ATE1: variants seen among roughly 807,000 people sequenced by gnomAD.
The protein encoded by ATE1 is arginyl-tRNA--protein transferase 1.
ATE1 carries 36 observed loss-of-function variants against 70.5 expected under a neutral mutation model. The observed-to-expected ratio is 0.51, with a 90% confidence interval of 0.39 to 0.67. The LOEUF (loss-of-function observed/expected upper bound fraction) is 0.67, where lower values mean the gene tolerates loss of function less well. Ranked by LOEUF, ATE1 falls within the 30% of genes least tolerant of loss-of-function variation. ATE1 has a pLI of 0.00. For synonymous variants in ATE1, 232 were observed against 219.3 expected (o/e 1.06, Z -0.51); for missense variants, 593 against 629.5 (o/e 0.94, Z 0.62).
chr10:121,920,262 G>A (rs965343417), intron 3 of ATE1, among the ~76,000 whole-genome samples: 2 of 151,912 alleles, frequency 1.3e-5, no homozygotes, highest in Non-Finnish European at 2.9e-5. Flanking sequence ...GAGGCAGGAG[G>A]CTCCTTTGAG....
intron 7 of ATE1, among the ~76,000 whole-genome samples, chr10:121,880,149 T>C (rs1950182214): frequency 6.6e-6 from 1 of 152,184 alleles, no homozygotes; most frequent in South Asian, 2.1e-4. Context: ...TTGATTATTA[T>C]TAAGAATAAA....
chr10:121,799,786 A>G (rs1438864734), intron 10 of ATE1, among the ~76,000 whole-genome samples: 1 of 152,214 alleles, frequency 6.6e-6, no homozygotes, highest in African/African-American at 2.4e-5. Flanking sequence ...TTTAAATTAC[A>G]TTATGGTTTC....
intron 3 of ATE1, among the ~76,000 whole-genome samples, chr10:121,918,586 C>T (rs904602403): frequency 9.9e-5 from 15 of 152,164 alleles, no homozygotes; most frequent in African/African-American, 2.7e-4. Flanking sequence ...CAACTTCAAA[C>T]TTATGAATAG....
intron 1 of ATE1, among the ~76,000 whole-genome samples, chr10:121,926,541 T>C (rs1365956332): frequency 6.6e-6 from 1 of 152,204 alleles, no homozygotes; most frequent in Non-Finnish European, 1.5e-5. Flanking sequence ...CGACAAAACG[T>C]GAAATACAAG....
intron 8 of ATE1, among the ~76,000 whole-genome samples, chr10:121,843,408 C>CA (rs1376876755): frequency 6.6e-6 from 1 of 152,134 alleles, no homozygotes. Flanking sequence ...AAAATCTCAG[C>CA]AAGCTATTTT....
intron 4 of ATE1, 34 bp downstream of exon 4, chr10:121,913,756 A>T: frequency 6.9e-7 from 1 of 1,448,480 alleles, no homozygotes; most frequent in Non-Finnish European, 9.7e-7. Context: ...GCAAAGACAG[A>T]TAGTAAATCG....
intron 7 of ATE1, among the ~76,000 whole-genome samples, chr10:121,874,271 C>A (rs1949957153): frequency 6.6e-6 from 1 of 152,156 alleles, no homozygotes. Context: ...CAATTTCTGG[C>A]ACATATTTAC....
chr10:121,791,383 C>T (rs1291661303), intron 10 of ATE1, among the ~76,000 whole-genome samples: 3 of 151,882 alleles, frequency 2.0e-5, no homozygotes, highest in African/African-American at 4.8e-5. Context: ...CATGAGCCAC[C>T]GTGCCTGGCC....
At chr10:121,832,406 CAG>C (rs796774843) in intron 10 of ATE1, among the ~76,000 whole-genome samples, 33 of 152,320 alleles carry the variant, frequency 2.2e-4, no homozygotes, top group African/African-American at 6.7e-4. Context: ...TATCCCCTAA[CAG>C]AGCTCAGCGT....
In ATE1 at chr10:121,757,334, C is replaced by T. The variant is rs147280040; in HGVS notation, c.1379-13476G>A. Among the ~76,000 whole-genome samples the T allele has an allele frequency of 0.019, 2,924 of 152,288 alleles. 160 individuals carry two copies. The East Asian group carries it at 0.22, about 12-fold the overall frequency. ...CTCTAGGAAGTTCCAAACTTTCCCA[C>T]ATTTTCCTGTCTTCTTCTGAGCCCT... On this transcript the variant is annotated intron_variant, in intron 11 of 11. Transcript: ENST00000224652.
chr10:121,869,973 A>C, intron 8 of ATE1, 33 bp downstream of exon 8: 1 of 1,568,584 alleles, frequency 6.4e-7, no homozygotes, highest in East Asian at 2.2e-5. Context: ...TCAATTACCA[A>C]TTCTAATATT....
At chr10:121,758,655 T>A (rs979098293) in intron 11 of ATE1, among the ~76,000 whole-genome samples, 4 of 152,212 alleles carry the variant, frequency 2.6e-5, no homozygotes, top group Admixed American at 2.0e-4. Context: ...TTTGTTTGTT[T>A]GTTTTTACAA....
At chr10:121,812,471 C>T (rs891461782) in intron 10 of ATE1, among the ~76,000 whole-genome samples, 22 of 152,168 alleles carry the variant, frequency 1.4e-4, no homozygotes, top group Admixed American at 9.2e-4. Flanking sequence ...CCAAGACCCC[C>T]TTTAAGTCCT....
At chr10:121,809,672 A>G (rs1196569367) in intron 10 of ATE1, among the ~76,000 whole-genome samples, 1 of 152,094 alleles carries the variant, frequency 6.6e-6, no homozygotes, top group Non-Finnish European at 1.5e-5. Flanking sequence ...CAAATAACAC[A>G]GTATTATTAA....
At chr10:121,876,368 C>A (rs11200206) in intron 7 of ATE1, among the ~76,000 whole-genome samples, 46,405 of 151,962 alleles carry the variant, frequency 0.31, 7,395 homozygotes, top group South Asian at 0.43. Flanking sequence ...ATTTTTTGCA[C>A]CTTTCTCCCT....
At chr10:121,851,330 G>A (rs181079858) in intron 8 of ATE1, among the ~76,000 whole-genome samples, 7 of 152,220 alleles carry the variant, frequency 4.6e-5, no homozygotes, top group African/African-American at 1.2e-4. Context: ...TGAGGTGGGA[G>A]GATCACTTGA....
At chr10:121,926,347 C>A (rs11200264) in intron 1 of ATE1, among the ~76,000 whole-genome samples, 44,959 of 152,002 alleles carry the variant, frequency 0.3, 7,786 homozygotes, top group East Asian at 0.61. Context: ...CGACACCTGG[C>A]AGGCACTCAC....
At chr10:121,830,637 A>T (rs56353627) in intron 10 of ATE1, among the ~76,000 whole-genome samples, 13,995 of 152,216 alleles carry the variant, frequency 0.092, 2,063 homozygotes, top group African/African-American at 0.31. Flanking sequence ...CAGTTACCTA[A>T]AATTACTCAT....
Position 121,870,048 on chromosome 10 carries a change from A to T in ATE1, c.943-10T>A, listed in dbSNP as rs778082342. 4 of 1,609,452 alleles carry T rather than the reference A, an allele frequency of 2.5e-6. No homozygotes were observed. The highest frequency in any genetic ancestry group is 4.5e-5 in the East Asian group (2 of 44,780). On this transcript the variant is annotated splice_polypyrimidine_tract_variant and intron_variant, in intron 7 of 11. Transcript: ENST00000224652. ...AAAGGAATCTTGTGAACTGCAGTCA[A>T]ATTTGAACAGAATCCATTTCATCCA...
Sources: gnomAD v4.1 joint callset for allele counts (sites outside exome capture counted in the v4.1 genomes callset) on GRCh38, gnomAD v4.1.1 for gene constraint, MANE v1.5 for transcripts, NCBI Gene and HGNC (gene_info 2026-07-23, HGNC 2026-07-21) for gene names.